Variants in LEKR1 observed in about 807,000 individuals in gnomAD.
LEKR1 encodes the protein leucine, glutamate and lysine rich 1, also known as protein LEKR1.
In LEKR1, 59 loss-of-function variants were observed where a neutral mutation model predicts 72.4. The ratio of observed to expected loss-of-function variants is 0.82; its 90% CI spans 0.66 to 1.01. The LOEUF is 1.01. Among genes scored for constraint, LEKR1 ranks in the 50% least tolerant of loss-of-function variants. The probability of loss-of-function intolerance (pLI) is 0.00; values close to 1 mark genes in which losing one functional copy is unlikely to be tolerated. For synonymous variants in LEKR1, 257 were observed against 263.2 expected (o/e 0.98, Z 0.23); for missense variants, 728 against 759.2 (o/e 0.96, Z 0.48).
intron 5 of LEKR1, among the ~76,000 whole-genome samples, chr3:156,934,685 GA>G (rs1350022779): frequency 2.0e-5 from 3 of 152,014 alleles, no homozygotes; most frequent in South Asian, 4.2e-4. Flanking sequence ...TAAAAACATA[GA>G]AAATACAGAA....
At chr3:156,969,416 G>A (rs960802576) in intron 6 of LEKR1, among the ~76,000 whole-genome samples, 8 of 151,980 alleles carry the variant, frequency 5.3e-5, no homozygotes, top group South Asian at 2.1e-4. Context: ...TCAAATAGAC[G>A]CAATAAAAAA....
intron 12 of LEKR1, among the ~76,000 whole-genome samples, chr3:157,031,523 G>C (rs982419528): frequency 6.6e-6 from 1 of 152,110 alleles, no homozygotes; most frequent in Non-Finnish European, 1.5e-5. Flanking sequence ...CTCTGGCTAA[G>C]CATGCCAGAG....
At chr3:156,837,775 G>A (rs1194504851) in intron 2 of LEKR1, among the ~76,000 whole-genome samples, 6 of 152,146 alleles carry the variant, frequency 3.9e-5, no homozygotes, top group African/African-American at 7.2e-5. Flanking sequence ...ATCAGTTTGC[G>A]CAGAAAGGGG....
At chr3:156,904,983 C>A (rs1722396516) in intron 3 of LEKR1, among the ~76,000 whole-genome samples, 1 of 152,024 alleles carries the variant, frequency 6.6e-6, no homozygotes, top group Admixed American at 6.6e-5. Flanking sequence ...AAATAGAGCT[C>A]AAATTCGATT....
intron 3 of LEKR1, among the ~76,000 whole-genome samples, chr3:156,904,504 G>T: frequency 6.7e-6 from 1 of 149,786 alleles, no homozygotes; most frequent in Non-Finnish European, 1.5e-5. Context: ...TTTATTCCCA[G>T]GCTGGAGTGC....
At chr3:156,909,668 A>AC (rs1221332399) in intron 3 of LEKR1, among the ~76,000 whole-genome samples, 1 of 144,276 alleles carries the variant, frequency 6.9e-6, no homozygotes, top group Non-Finnish European at 1.5e-5. Context: ...AAAAAAAAAA[A>AC]AAAAGAAATC....
intron 3 of LEKR1, among the ~76,000 whole-genome samples, chr3:156,899,544 A>G (rs147309549): frequency 0.032 from 3,810 of 118,284 alleles, 135 homozygotes; most frequent in African/African-American, 0.052. Context: ...ATATATACAT[A>G]TATACACATA....
At chr3:157,018,887 C>G (rs1454505214) in intron 10 of LEKR1, among the ~76,000 whole-genome samples, 3 of 152,174 alleles carry the variant, frequency 2.0e-5, no homozygotes, top group Non-Finnish European at 4.4e-5. Flanking sequence ...ACATTCTCTC[C>G]TTCCAACCTA....
At chr3:156,899,465 CATGT>C (rs1721643572) in intron 3 of LEKR1, among the ~76,000 whole-genome samples, 3 of 75,940 alleles carry the variant, frequency 4.0e-5, no homozygotes, top group African/African-American at 1.5e-4. Context: ...CACATATATA[CATGT>C]ATATATACAT....
intron 3 of LEKR1, among the ~76,000 whole-genome samples, chr3:156,862,537 A>T (rs2108542706): frequency 6.6e-6 from 1 of 152,190 alleles, no homozygotes; most frequent in South Asian, 2.1e-4. Context: ...GATGATACAC[A>T]CATTACTCAT....
At position 157,045,590 on chromosome 3, in the gene LEKR1, C is replaced by A. The variant is rs745350146; in HGVS notation, c.1919C>A (p.Ser640Ter). 2.0e-5 allele frequency: 32 copies of A among 1,614,004 alleles called. No individual in the cohort carries two copies. Among genetic ancestry groups the A allele is most frequent in the Non-Finnish European group, 2.6e-5 (31 of 1,180,028 alleles). ...GIQIPNLRGV[S>*]KPTTFPTSDK... ...CAAATTCCCAACCTGCGCGGGGTGT[C>A]AAAACCCACCACTTTCCCAACCTCA... Residue 640 changes from serine to a stop codon, truncating the protein, a stop_gained, in exon 13 of 13, where the codon TCA becomes TAA. Coordinates refer to ENST00000356539, the MANE Select transcript of LEKR1 (RefSeq NM_001004316.3). LOFTEE classifies it low-confidence loss of function (END_TRUNC).
At chr3:156,925,329 GTGTT>G (rs771332564) in intron 4 of LEKR1, 11,979 of 116,394 alleles carry the variant, frequency 0.1, 787 homozygotes, top group African/African-American at 0.2. Flanking sequence ...GTGTGTGTGT[GTGTT>G]TGTGTGTGTC....
At chr3:156,859,877 G>T (rs1049845478) in intron 3 of LEKR1, among the ~76,000 whole-genome samples, 2 of 152,196 alleles carry the variant, frequency 1.3e-5, no homozygotes, top group African/African-American at 4.8e-5. Flanking sequence ...CTGTCATTCA[G>T]TCACCCTTCC....
intron 6 of LEKR1, among the ~76,000 whole-genome samples, chr3:156,969,040 G>A (rs1728896351): frequency 6.6e-6 from 1 of 152,108 alleles, no homozygotes; most frequent in Non-Finnish European, 1.5e-5. Context: ...GGTACATAAT[G>A]AAATGAAGGC....
At chr3:157,012,106 A>T (rs1732938245) in intron 10 of LEKR1, among the ~76,000 whole-genome samples, 1 of 152,134 alleles carries the variant, frequency 6.6e-6, no homozygotes. Flanking sequence ...TAAAAGTAAT[A>T]TTTTAAAAAT....
chr3:156,850,704 G>C (rs1370772581), intron 2 of LEKR1, among the ~76,000 whole-genome samples: 1 of 152,178 alleles, frequency 6.6e-6, no homozygotes, highest in Non-Finnish European at 1.5e-5. Context: ...ATACCAGCTT[G>C]GGCTTGGTTC....
At chr3:156,984,126 C>G (rs963248186) in intron 7 of LEKR1, among the ~76,000 whole-genome samples, 1 of 152,054 alleles carries the variant, frequency 6.6e-6, no homozygotes, top group African/African-American at 2.4e-5. Flanking sequence ...GAAAAATGAT[C>G]CCATTCATGC....
chr3:156,947,956 C>G (rs1187497537), intron 6 of LEKR1, among the ~76,000 whole-genome samples: 1 of 151,106 alleles, frequency 6.6e-6, no homozygotes, highest in Non-Finnish European at 1.5e-5. Flanking sequence ...AAGTTTTTCT[C>G]TCTCTACTCA....
chr3:156,935,767 T>C (rs769750667), intron 5 of LEKR1, among the ~76,000 whole-genome samples: 5 of 152,284 alleles, frequency 3.3e-5, no homozygotes, highest in Middle Eastern at 3.4e-3. Flanking sequence ...AATGTGGATA[T>C]AGCCTTTTGT....
Sources: gnomAD v4.1 joint callset for allele counts (sites outside exome capture counted in the v4.1 genomes callset) on GRCh38, gnomAD v4.1.1 for gene constraint, MANE v1.5 for transcripts, NCBI Gene and HGNC (gene_info 2026-07-23, HGNC 2026-07-21) for gene names.